Variants in TMEM131 observed in about 807,000 individuals in gnomAD.
TMEM131 encodes the protein transmembrane protein 131, also known as 2610524E03Rik.
Under a neutral mutation model 211.6 loss-of-function variants are expected in TMEM131, and 66 were observed. The ratio of observed to expected loss-of-function variants is 0.31; its 90% CI spans 0.26 to 0.38. TMEM131 has a LOEUF of 0.38. Ranked by LOEUF, TMEM131 falls within the 10% of genes least tolerant of loss-of-function variation. The probability of loss-of-function intolerance (pLI) is 1.00; values close to 1 mark genes in which losing one functional copy is unlikely to be tolerated. For missense variants in TMEM131, 2,036 were observed against 2,299.3 expected, an observed-to-expected ratio of 0.89 and a Z score of 2.34; for synonymous variants, 844 against 841.3, an observed-to-expected ratio of 1.00 and a Z score of -0.06.
Position 97,995,695 on chromosome 2 carries a change from C to A in TMEM131, c.-33G>T. 1 of 1,185,876 alleles carries A rather than the reference C, an allele frequency of 8.4e-7. No individual in the cohort carries two copies. Among genetic ancestry groups the A allele is most frequent in the Non-Finnish European group, 1.0e-6 (1 of 957,530 alleles). 73.5% of individuals were successfully genotyped at this position (1,185,876 alleles called of 1,614,324 possible). A position where few individuals can be genotyped will look rare whatever the true frequency, so the allele number is the denominator to read the frequency against. ...GGCCGGGGGCCGCCGCGCTCGAGGT[C>A]CGGCGCGGCCCTTCTCGGCGAGGCG... On this transcript the variant is annotated 5_prime_UTR_variant, in exon 1 of 41. Transcript: ENST00000186436.
chr2:97,950,991 C>T (rs1678284545), intron 1 of TMEM131, among the ~76,000 whole-genome samples: 1 of 152,166 alleles, frequency 6.6e-6, no homozygotes, highest in Admixed American at 6.5e-5. Context: ...CTACAGAACA[C>T]ATGCACTGTT....
At chr2:97,894,359 G>A (rs747146471) in intron 3 of TMEM131, among the ~76,000 whole-genome samples, 1 of 152,076 alleles carries the variant, frequency 6.6e-6, no homozygotes, top group African/African-American at 2.4e-5. Context: ...TCTTGGCTAC[G>A]TGGGTTCTTT....
rs535530657 is a variant in TMEM131 at position 97,965,615 on chromosome 2, T to C, written c.187+29861A>G. Among the ~76,000 whole-genome samples, 6 of 151,676 alleles carry C rather than the reference T, an allele frequency of 4.0e-5. No homozygotes were observed. In the South Asian group the frequency reaches 1.2e-3, roughly 31 times the overall value. On this transcript the variant is annotated intron_variant, in intron 1 of 40. Transcript: ENST00000186436. ...AAGTGGACACCAGGAATGATGAATC[T>C]GGATGGCTGTGACAAGCCCCATGGC...
At chr2:97,888,478 T>A (rs1675251953) in intron 3 of TMEM131, among the ~76,000 whole-genome samples, 1 of 152,218 alleles carries the variant, frequency 6.6e-6, no homozygotes, top group Admixed American at 6.5e-5. Flanking sequence ...ACAACTTACA[T>A]ACATTTAGCA....
At chr2:97,772,026 A>G (rs1417897762) in intron 33 of TMEM131, among the ~76,000 whole-genome samples, 2 of 152,232 alleles carry the variant, frequency 1.3e-5, no homozygotes, top group African/African-American at 2.4e-5. Context: ...CTGAATCACC[A>G]ACAGAAATTT....
chr2:97,814,358 T>C lies in TMEM131; in HGVS notation c.1323A>G (p.Leu441=). Residue 441 remains leucine (L), a synonymous_variant, in exon 14 of 41, where the codon TTA becomes TTG. Coordinates refer to ENST00000186436, the MANE Select transcript of TMEM131 (RefSeq NM_015348.2). ...GYLGFDHAAT[L]FHIRDSPADP... The stretch of plus-strand genomic sequence containing the variant: ...CAGCAGGGCTGTCTCGGATGTGAAA[T>C]AATGTTGCAGCATGATCAAATCCCA... The C allele has an allele frequency of 6.2e-7, 1 of 1,613,012 alleles. No homozygotes were observed. The highest frequency in any genetic ancestry group is 8.5e-7 in the Non-Finnish European group (1 of 1,179,488).
intron 1 of TMEM131, among the ~76,000 whole-genome samples, chr2:97,975,811 G>GAAA (rs11355341): frequency 2.3e-5 from 3 of 132,276 alleles, no homozygotes; most frequent in South Asian, 5.6e-4. Context: ...GGTATTACAA[G>GAAA]AAAAAAAAAA....
At position 97,994,389 on chromosome 2, in the gene TMEM131, G is replaced by T. The variant is rs116932596; in HGVS notation, c.187+1087C>A. Among the ~76,000 whole-genome samples, 487 of 152,162 alleles carry T rather than the reference G, an allele frequency of 3.2e-3. 6 individuals are homozygous for T. The East Asian group carries it at 0.04, about 13-fold the overall frequency. On this transcript the variant is annotated intron_variant, in intron 1 of 40. Transcript: ENST00000186436. ...AGAGTTAGATAAGGGAATGTAATGT[G>T]GACAAAAATAAAAGAAACAGTATAC...
intron 3 of TMEM131, among the ~76,000 whole-genome samples, chr2:97,903,381 C>A (rs1418998010): frequency 6.6e-6 from 1 of 152,108 alleles, no homozygotes; most frequent in African/African-American, 2.4e-5. Flanking sequence ...AACTAAGAAA[C>A]ATAGATTAAG....
intron 2 of TMEM131, among the ~76,000 whole-genome samples, chr2:97,918,877 T>C (rs567155935): frequency 6.6e-6 from 1 of 152,330 alleles, no homozygotes; most frequent in East Asian, 1.9e-4. Context: ...TTAAAGTCTC[T>C]TTTGTATTGC....
At chr2:97,882,962 T>C (rs1482657432) in intron 4 of TMEM131, among the ~76,000 whole-genome samples, 4 of 152,356 alleles carry the variant, frequency 2.6e-5, no homozygotes, top group South Asian at 2.1e-4. Context: ...TTATTTTTCA[T>C]AGATCTAGAG....
chr2:97,888,408 G>A lies in TMEM131; in HGVS notation c.291-288C>T, dbSNP rs185055346. On this transcript the variant is annotated intron_variant, in intron 3 of 40. Transcript: ENST00000186436. ...TTATTTGGTTGGTATAATTGGTAAC[G>A]ATATACTTTAATAGGTCGCTTGGAT... Among the ~76,000 whole-genome samples the A allele has an allele frequency of 4.6e-5, 7 of 152,266 alleles. No homozygotes were observed. The East Asian group carries it at 1.3e-3, about 29-fold the overall frequency.
intron 1 of TMEM131, among the ~76,000 whole-genome samples, chr2:97,956,813 C>T (rs1452853116): frequency 6.6e-6 from 1 of 151,990 alleles, no homozygotes; most frequent in Non-Finnish European, 1.5e-5. Flanking sequence ...AATTATCCAA[C>T]AGCGGCTGGG....
intron 3 of TMEM131, among the ~76,000 whole-genome samples, chr2:97,902,381 T>C (rs1675892235): frequency 6.6e-6 from 1 of 152,176 alleles, no homozygotes; most frequent in South Asian, 2.1e-4. Flanking sequence ...ATCAATACAC[T>C]TACTGTAGAC....
chr2:97,992,516 A>G (rs1042929839), intron 1 of TMEM131, among the ~76,000 whole-genome samples: 1 of 152,208 alleles, frequency 6.6e-6, no homozygotes, highest in Non-Finnish European at 1.5e-5. Flanking sequence ...AAATTGAAAC[A>G]TTCTTGAAAA....
At chr2:97,935,682 T>C (rs773523180) in intron 1 of TMEM131, among the ~76,000 whole-genome samples, 1 of 152,184 alleles carries the variant, frequency 6.6e-6, no homozygotes, top group Non-Finnish European at 1.5e-5. Context: ...ACAGAGGTAC[T>C]GTCAGTGAAA....
chr2:97,861,275 C>G (rs746103136), intron 4 of TMEM131, among the ~76,000 whole-genome samples: 17 of 151,898 alleles, frequency 1.1e-4, no homozygotes, highest in South Asian at 2.1e-4. Context: ...GGGCATGCAA[C>G]CTACTGAGAC....
In TMEM131 at chr2:97,788,948, T is replaced by C. The variant is rs142559987; in HGVS notation, c.4144+3438A>G. Among the ~76,000 whole-genome samples the C allele has an allele frequency of 1.0e-3, 154 of 152,354 alleles. No individual in the cohort carries two copies. In the East Asian group the frequency reaches 0.016, roughly 16 times the overall value. On this transcript the variant is annotated intron_variant, in intron 31 of 40. Coordinates refer to ENST00000186436, the MANE Select transcript of TMEM131 (RefSeq NM_015348.2). ...CTCTATATTTTTTAAAAACCTACCA[T>C]ACAATACATGCATACTTTTTTCTTG...
rs188998875 is a variant in TMEM131 at position 97,824,430 on chromosome 2, T to C, written c.1075-5709A>G. 2.7e-4 allele frequency among the ~76,000 whole-genome samples: 41 copies of C among 152,340 alleles called. 3 individuals are homozygous for C. In the East Asian group the frequency reaches 7.7e-3, roughly 29 times the overall value. ...CTGGACGACGGTCCTCAAGGTCCATTACCATCCGAGGAATCCTGGGACAGC... is the reference window on the plus strand; with the variant it reads ...CTGGACGACGGTCCTCAAGGTCCATCACCATCCGAGGAATCCTGGGACAGC... On this transcript the variant is annotated intron_variant, in intron 11 of 40. Transcript: ENST00000186436.
Sources: gnomAD v4.1 joint callset for allele counts (sites outside exome capture counted in the v4.1 genomes callset) on GRCh38, gnomAD v4.1.1 for gene constraint, MANE v1.5 for transcripts, NCBI Gene and HGNC (gene_info 2026-07-23, HGNC 2026-07-21) for gene names.